The following SLC35F3 variants were observed in gnomAD, a reference collection of about 807,000 sequenced individuals.
The protein encoded by SLC35F3 is solute carrier family 35 member F3.
A neutral mutation model predicts 49.9 loss-of-function variants in SLC35F3; 25 were observed. That is an observed-to-expected ratio of 0.50 (90% confidence interval 0.37 to 0.70). The LOEUF (loss-of-function observed/expected upper bound fraction) is 0.70, where lower values mean the gene tolerates loss of function less well. SLC35F3 is among the 30% of genes least tolerant of loss of function. The pLI is 0.00. For synonymous variants in SLC35F3, 275 were observed against 265.4 expected (o/e 1.04, Z -0.35); for missense variants, 525 against 639.8 (o/e 0.82, Z 1.94).
At position 234,230,349 on chromosome 1, in the gene SLC35F3, G is replaced by A. The variant is rs200607437; in HGVS notation, c.284-1068G>A. Among the ~76,000 whole-genome samples the A allele has an allele frequency of 2.6e-5, 4 of 152,160 alleles. No individual in the cohort carries two copies. In the East Asian group the frequency reaches 5.8e-4, roughly 22 times the overall value. ...TGTTATTAAAGTTATTTAAGTTTAA[G>A]CAATGTAGAGAAAGCACGTTTGACC... On this transcript the variant is annotated intron_variant, in intron 2 of 7. Transcript: ENST00000366618.
chr1:234,272,112 C>T (rs935237022), intron 3 of SLC35F3, among the ~76,000 whole-genome samples: 3 of 151,996 alleles, frequency 2.0e-5, no homozygotes, highest in Non-Finnish European at 4.4e-5. Flanking sequence ...GGCAACAGAG[C>T]GAGACTCTGT....
At chr1:233,925,408 G>C (rs1222899255) in intron 2 of SLC35F3, among the ~76,000 whole-genome samples, 1 of 152,000 alleles carries the variant, frequency 6.6e-6, no homozygotes, top group Non-Finnish European at 1.5e-5. Context: ...TGTGTCTTTT[G>C]ATCTTTGTTG....
chr1:233,986,878 G>A lies in SLC35F3; in HGVS notation c.283+81120G>A, dbSNP rs538419747. On this transcript the variant is annotated intron_variant, in intron 2 of 7. Coordinates refer to ENST00000366618, the MANE Select transcript of SLC35F3 (RefSeq NM_173508.4). ...TGGGATCTTCCTTCATCATCCTCCT[G>A]GAAATTTCCTTCAGTTCTTTTCTGT... 5.3e-5 allele frequency among the ~76,000 whole-genome samples: 8 copies of A among 152,202 alleles called. No homozygotes were observed. In the East Asian group the frequency reaches 1.5e-3, roughly 29 times the overall value.
In SLC35F3 at chr1:234,052,657, T is replaced by G. The variant is rs1664396483; in HGVS notation, c.283+146899T>G. ...ATTTTCTTCAGTTCTGCTCTGATCT[T>G]AGTTATTTCTTGCCTTCTGCTAGCT... On this transcript the variant is annotated intron_variant, in intron 2 of 7. Transcript: ENST00000366618. 2.0e-5 allele frequency among the ~76,000 whole-genome samples: 3 copies of G among 152,336 alleles called. No homozygotes were observed. The South Asian group carries it at 6.2e-4, about 32-fold the overall frequency.
At chr1:234,124,145 T>G (rs1244098795) in intron 2 of SLC35F3, among the ~76,000 whole-genome samples, 9 of 152,194 alleles carry the variant, frequency 5.9e-5, no homozygotes, top group Admixed American at 5.9e-4. Context: ...TCTGAACTCT[T>G]ACTGGATACC....
intron 2 of SLC35F3, among the ~76,000 whole-genome samples, chr1:234,206,203 A>T (rs973313215): frequency 1.1e-4 from 17 of 152,128 alleles, no homozygotes; most frequent in African/African-American, 3.6e-4. Context: ...CTTTGCAGGC[A>T]TCTGGTGTTT....
chr1:234,181,392 A>G lies in SLC35F3; in HGVS notation c.284-50025A>G, dbSNP rs1274511336. Among the ~76,000 whole-genome samples the G allele has an allele frequency of 2.6e-5, 4 of 152,184 alleles. No individual in the cohort carries two copies. In the East Asian group the frequency reaches 5.8e-4, roughly 22 times the overall value. ...AAAGAAAAGAAAAAAGAGAGAAAAA[A>G]GAATAAGCACTCTTTTTTAAAATGT... On this transcript the variant is annotated intron_variant, in intron 2 of 7. Transcript: ENST00000366618.
At chr1:234,116,516 T>A (rs1665489479) in intron 2 of SLC35F3, among the ~76,000 whole-genome samples, 1 of 141,148 alleles carries the variant, frequency 7.1e-6, no homozygotes, top group East Asian at 5.8e-4. Flanking sequence ...TTTATTTATT[T>A]ATTTATTTAT....
chr1:234,152,535 T>C (rs182327476), intron 2 of SLC35F3, among the ~76,000 whole-genome samples: 3 of 152,284 alleles, frequency 2.0e-5, no homozygotes, highest in East Asian at 1.9e-4. Flanking sequence ...GCTTCATCCA[T>C]GTCCCTGCAA....
At chr1:234,019,496 G>A (rs1195319759) in intron 2 of SLC35F3, among the ~76,000 whole-genome samples, 1 of 152,202 alleles carries the variant, frequency 6.6e-6, no homozygotes. Context: ...GTTGCAGCTT[G>A]AGTCTGAAGG....
chr1:233,953,208 G>A (rs563409522), intron 2 of SLC35F3, among the ~76,000 whole-genome samples: 2 of 151,858 alleles, frequency 1.3e-5, no homozygotes, highest in Non-Finnish European at 2.9e-5. Context: ...AATAATGATA[G>A]GACTGCAAAG....
chr1:234,297,096 CAGTG>C (rs1231622551), intron 3 of SLC35F3, among the ~76,000 whole-genome samples: 2 of 152,172 alleles, frequency 1.3e-5, no homozygotes, highest in African/African-American at 4.8e-5. Context: ...ATCAAAACTA[CAGTG>C]AGATACCACC....
intron 4 of SLC35F3, among the ~76,000 whole-genome samples, chr1:234,314,430 C>T (rs752188795): frequency 3.9e-5 from 6 of 152,162 alleles, no homozygotes; most frequent in Non-Finnish European, 8.8e-5. Flanking sequence ...CAACTTCAGC[C>T]GTAAGCCTGG....
chr1:234,075,093 A>G (rs2102869711), intron 2 of SLC35F3, among the ~76,000 whole-genome samples: 1 of 152,386 alleles, frequency 6.6e-6, no homozygotes, highest in East Asian at 1.9e-4. Context: ...TACACCGATG[A>G]GAGAGTACTA....
At chr1:234,004,701 C>A (rs1344094388) in intron 2 of SLC35F3, among the ~76,000 whole-genome samples, 2 of 152,108 alleles carry the variant, frequency 1.3e-5, no homozygotes, top group Non-Finnish European at 2.9e-5. Context: ...TCTAACCATA[C>A]TTATCAAAAT....
intron 2 of SLC35F3, among the ~76,000 whole-genome samples, chr1:234,162,125 C>A (rs1046434196): frequency 6.6e-6 from 1 of 152,016 alleles, no homozygotes; most frequent in African/African-American, 2.4e-5. Context: ...AGTTCTTGAC[C>A]CTCCTGAGAT....
chr1:233,969,775 C>T (rs1483005632), intron 2 of SLC35F3, among the ~76,000 whole-genome samples: 1 of 152,194 alleles, frequency 6.6e-6, no homozygotes, highest in Non-Finnish European at 1.5e-5. Context: ...ACTATGCAAG[C>T]CAAGGCTAGT....
intron 2 of SLC35F3, among the ~76,000 whole-genome samples, chr1:233,987,214 G>A (rs565480367): frequency 5.6e-4 from 86 of 152,294 alleles, no homozygotes; most frequent in African/African-American, 2.0e-3. Flanking sequence ...CACTTGAGCT[G>A]GGAGACAGAG....
At chr1:234,187,220 G>A (rs1171712158) in intron 2 of SLC35F3, among the ~76,000 whole-genome samples, 4 of 152,256 alleles carry the variant, frequency 2.6e-5, no homozygotes, top group East Asian at 1.9e-4. Flanking sequence ...ACCACACAGC[G>A]GTTTGTAAAT....
Sources: gnomAD v4.1 joint callset for allele counts (sites outside exome capture counted in the v4.1 genomes callset) on GRCh38, gnomAD v4.1.1 for gene constraint, MANE v1.5 for transcripts, NCBI Gene and HGNC (gene_info 2026-07-23, HGNC 2026-07-21) for gene names.